FMN2: variants seen among roughly 807,000 people sequenced by gnomAD.
FMN2 encodes formin 2, also known as formin-2.
Under a neutral mutation model 142.3 loss-of-function variants are expected in FMN2, and 51 were observed. The ratio of observed to expected loss-of-function variants is 0.36; its 90% CI spans 0.29 to 0.45. The LOEUF is 0.45. Ranked by LOEUF, FMN2 falls within the 20% of genes least tolerant of loss-of-function variation. FMN2 has a pLI of 1.00. For missense variants in FMN2, 1,936 were observed against 2,122.8 expected (o/e 0.91, Z 1.73); for synonymous variants, 882 against 869.8 (o/e 1.01, Z -0.25).
intron 8 of FMN2, among the ~76,000 whole-genome samples, chr1:240,308,253 C>A (rs1004536554): frequency 4.6e-5 from 7 of 152,110 alleles, no homozygotes; most frequent in Non-Finnish European, 7.4e-5. Context: ...TGAAATGGCA[C>A]AAGGGAGGGG....
chr1:240,096,968 G>A (rs1281845809), intron 1 of FMN2, among the ~76,000 whole-genome samples: 1 of 152,124 alleles, frequency 6.6e-6, no homozygotes, highest in African/African-American at 2.4e-5. Context: ...TCAGTGTTTA[G>A]TAGAAAAAAT....
intron 13 of FMN2, among the ~76,000 whole-genome samples, chr1:240,337,475 G>A (rs965716826): frequency 1.3e-5 from 2 of 152,156 alleles, no homozygotes; most frequent in Admixed American, 1.3e-4. Context: ...AAGTGATCAA[G>A]TGAGGGAATT....
intron 6 of FMN2, among the ~76,000 whole-genome samples, chr1:240,241,768 G>A (rs551363224): frequency 6.7e-6 from 1 of 149,166 alleles, no homozygotes; most frequent in Non-Finnish European, 1.5e-5. Context: ...TGGATCATAA[G>A]TGTGGCTAAT....
At chr1:240,355,997 A>G (rs1672259085) in intron 14 of FMN2, 89 bp downstream of exon 14, 2 of 781,736 alleles carry the variant, frequency 2.6e-6, no homozygotes, top group Non-Finnish European at 3.9e-6. Flanking sequence ...GCTACAAGGC[A>G]TTGTTTAAAA....
intron 16 of FMN2, among the ~76,000 whole-genome samples, chr1:240,455,999 T>TGC (rs1676231621): frequency 6.7e-6 from 1 of 148,738 alleles, no homozygotes; most frequent in African/African-American, 2.5e-5. Context: ...ATAATAATAA[T>TGC]AATAAGTTGC....
At chr1:240,153,342 A>G (rs1019896940) in intron 2 of FMN2, among the ~76,000 whole-genome samples, 3 of 144,844 alleles carry the variant, frequency 2.1e-5, no homozygotes, top group Admixed American at 7.0e-5. Flanking sequence ...ATTTAATCTC[A>G]CTCGGTTCTC....
chr1:240,149,830 A>G (rs996842004), intron 2 of FMN2, among the ~76,000 whole-genome samples: 6 of 152,214 alleles, frequency 3.9e-5, no homozygotes, highest in Non-Finnish European at 5.9e-5. Context: ...TTTAAAATCA[A>G]AAATTCTTTG....
chr1:240,118,020 G>A (rs1449819811), intron 1 of FMN2, among the ~76,000 whole-genome samples: 1 of 152,246 alleles, frequency 6.6e-6, no homozygotes, highest in Non-Finnish European at 1.5e-5. Context: ...AGATGAAGGA[G>A]TGAGGGAGTC....
At position 240,173,566 on chromosome 1, in the gene FMN2, G is replaced by T. The variant is rs534899986; in HGVS notation, c.1783-4355G>T. Reference sequence around the variant, plus strand: ...TAGAGCTGGAGAAGGCATTCTAGTGGCATGAAGCTTGGTTTAGGAAACAAG... The same window carrying T: ...TAGAGCTGGAGAAGGCATTCTAGTGTCATGAAGCTTGGTTTAGGAAACAAG... On this transcript the variant is annotated intron_variant, in intron 2 of 17. Transcript: ENST00000319653. Among the ~76,000 whole-genome samples, 23 of 152,242 alleles carry T rather than the reference G, an allele frequency of 1.5e-4. No individual in the cohort carries two copies. The Middle Eastern group carries it at 0.014, about 90-fold the overall frequency.
chr1:240,122,037 C>T (rs1662288522), intron 1 of FMN2, among the ~76,000 whole-genome samples: 1 of 151,132 alleles, frequency 6.6e-6, no homozygotes, highest in Middle Eastern at 3.4e-3. Flanking sequence ...CAATTAAATT[C>T]AAGCGGTTTA....
rs1312467665 is a variant in FMN2, at chr1:240,438,937, T to G, written c.5060+727T>G. ...ATGCCAAACTAACTAGTATACTTCC[T>G]AACATCACTAACAGTAACTTTGCTT... On this transcript the variant is annotated intron_variant, in intron 16 of 17. Transcript: ENST00000319653. 3.3e-5 allele frequency among the ~76,000 whole-genome samples: 5 copies of G among 152,172 alleles called. No individual in the cohort carries two copies. The East Asian group carries it at 9.6e-4, about 29-fold the overall frequency.
chr1:240,439,735 G>A (rs972828714), intron 16 of FMN2, among the ~76,000 whole-genome samples: 14 of 152,116 alleles, frequency 9.2e-5, no homozygotes, highest in African/African-American at 2.9e-4. Context: ...AAGCGTATGC[G>A]AATCACTGTT....
intron 2 of FMN2, among the ~76,000 whole-genome samples, chr1:240,151,763 T>C (rs1663786388): frequency 6.6e-6 from 1 of 151,370 alleles, no homozygotes; most frequent in African/African-American, 2.4e-5. Flanking sequence ...GCCAATGGAC[T>C]TTTTCTTTAT....
At chr1:240,445,459 G>A in intron 16 of FMN2, among the ~76,000 whole-genome samples, 1 of 152,188 alleles carries the variant, frequency 6.6e-6, no homozygotes, top group East Asian at 1.9e-4. Context: ...GACACCTAAA[G>A]AATTCAAGGG....
At position 240,305,933 on chromosome 1, in the gene FMN2, G is replaced by A. The variant is rs181478247; in HGVS notation, c.4215+11050G>A. 3.3e-4 allele frequency among the ~76,000 whole-genome samples: 49 copies of A among 150,014 alleles called. No homozygotes were observed. The East Asian group carries it at 9.1e-3, about 28-fold the overall frequency. ...AAGTCATTAGTCATACAGTTTTCTA[G>A]ACTAGATATGCTTGTAAGTTTTTTT... is the stretch of plus-strand genomic sequence containing the variant. On this transcript the variant is annotated intron_variant, in intron 8 of 17. Transcript: ENST00000319653.
At chr1:240,131,792 C>T (rs760718895) in intron 2 of FMN2, among the ~76,000 whole-genome samples, 5 of 152,016 alleles carry the variant, frequency 3.3e-5, no homozygotes, top group African/African-American at 4.8e-5. Context: ...TAAGTATTTC[C>T]GGAGTATAAA....
At chr1:240,298,166 A>G (rs1273874046) in intron 8 of FMN2, among the ~76,000 whole-genome samples, 1 of 152,338 alleles carries the variant, frequency 6.6e-6, no homozygotes, top group African/African-American at 2.4e-5. Flanking sequence ...TCAAACTTTA[A>G]GGTTCAGACT....
chr1:240,208,126 T>A lies in FMN2; in HGVS notation c.3314T>A (p.Val1105Glu), dbSNP rs200640213. The A allele has an allele frequency of 4.0e-5, 31 of 773,276 alleles. No homozygotes were observed. Among genetic ancestry groups the A allele is most frequent in the Middle Eastern group, 1.1e-3 (2 of 1,902 alleles). 47.9% of individuals were successfully genotyped at this position (773,276 alleles called of 1,614,324 possible). ...CCCCCTCCGCCCCCTCTACCCGGAG[T>A]GGGCATACCTCCTCCGCCCCCTCTA... ...GIPPPPPLPG[V>E]GIPPPPPLPG... Residue 1105 changes from valine to glutamate, a missense_variant, in exon 5 of 18, where the codon GTG becomes GAG. Coordinates refer to ENST00000319653, the MANE Select transcript of FMN2 (RefSeq NM_020066.5).
chr1:240,433,685 A>G (rs1490940478), intron 15 of FMN2, among the ~76,000 whole-genome samples: 1 of 152,188 alleles, frequency 6.6e-6, no homozygotes, highest in Non-Finnish European at 1.5e-5. Context: ...CACAGTTCTC[A>G]GGTTAGCCCT....
Sources: gnomAD v4.1 joint callset for allele counts (sites outside exome capture counted in the v4.1 genomes callset) on GRCh38, gnomAD v4.1.1 for gene constraint, MANE v1.5 for transcripts, NCBI Gene and HGNC (gene_info 2026-07-23, HGNC 2026-07-21) for gene names.